Variants in SEMA6A observed in about 807,000 individuals in gnomAD.
SEMA6A encodes the protein semaphorin-6A.
Under a neutral mutation model 96.8 loss-of-function variants are expected in SEMA6A, and 25 were observed. That is an observed-to-expected ratio of 0.26 (90% confidence interval 0.19 to 0.36). The LOEUF (loss-of-function observed/expected upper bound fraction) is 0.36. Ranked by LOEUF, SEMA6A falls within the 10% of genes least tolerant of loss-of-function variation. The pLI, the probability that SEMA6A is intolerant of heterozygous loss-of-function variation, is 1.00. For synonymous variants in SEMA6A, 612 were observed against 518.0 expected (o/e 1.18, Z -2.46); for missense variants, 1,363 against 1,323.1 (o/e 1.03, Z -0.47).
chr5:116,513,139 T>TTTA lies in SEMA6A; in HGVS notation c.-38-8158_-38-8157insTAA, dbSNP rs144134705. 7.9e-5 allele frequency among the ~76,000 whole-genome samples: 12 copies of TTTA among 151,698 alleles called. No individual in the cohort carries two copies. The South Asian group carries it at 1.3e-3, about 16-fold the overall frequency. On this transcript the variant is annotated intron_variant, in intron 1 of 18. Coordinates refer to ENST00000343348, the MANE Select transcript of SEMA6A (RefSeq NM_020796.5). ...ATAAAGGCAGCTATCTTTTTTTTTT[T>TTTA]CCCCCGCGACGGAGTTTCGCTCTTG...
At chr5:116,474,305 C>CACACACACACATCT (rs751871641) in intron 16 of SEMA6A, among the ~76,000 whole-genome samples, 556 of 151,984 alleles carry the variant, frequency 3.7e-3, no homozygotes, top group Non-Finnish European at 6.1e-3. Context: ...CACACACACA[C>CACACACACACATCT]ACACATCTTA....
At chr5:116,471,209 A>G (rs1172891122) in intron 17 of SEMA6A, 1 of 152,194 alleles carries the variant, frequency 6.6e-6, no homozygotes, top group Non-Finnish European at 1.5e-5. Flanking sequence ...AGACCTGAAA[A>G]TGAATGAGCA....
At chr5:116,461,663 C>T (rs983026100) in intron 18 of SEMA6A, among the ~76,000 whole-genome samples, 5 of 152,124 alleles carry the variant, frequency 3.3e-5, no homozygotes, top group African/African-American at 1.2e-4. Flanking sequence ...TTTCACAGTT[C>T]TATGTCCTTG....
rs1195599206 is a variant in SEMA6A at position 116,467,627 on chromosome 5, T to C, written c.1850A>G (p.Asp617Gly). The change falls in exon 18 of 19, where the codon GAC becomes GGC. Residue 617 changes from aspartate to glycine, a missense_variant. By Grantham distance (94) the Asp-to-Gly change is moderately conservative. This residue lies in a region of SEMA6A where 883 missense variants were observed against 763.6 expected (regional missense o/e 1.16). Transcript: ENST00000343348. ...ATGGGAAGACACTGCCCCCAAAGGGTCTGTGCTGTCAGGTGAGTCAAGCAG... is the reference window on the plus strand; with the variant it reads ...ATGGGAAGACACTGCCCCCAAAGGGCCTGTGCTGTCAGGTGAGTCAAGCAG... ...KHLLDSPDSTDPLGAVSSHNH... is the reference protein window; with the variant it reads ...KHLLDSPDSTGPLGAVSSHNH... The C allele has an allele frequency of 1.9e-6, 3 of 1,613,462 alleles. No homozygotes were observed. Among genetic ancestry groups the C allele is most frequent in the South Asian group, 1.1e-5 (1 of 91,028 alleles).
intron 17 of SEMA6A, among the ~76,000 whole-genome samples, chr5:116,469,800 A>G (rs1214821710): frequency 2.6e-5 from 4 of 152,232 alleles, no homozygotes; most frequent in African/African-American, 9.6e-5. Flanking sequence ...CTGTGAATAC[A>G]TGGAAAACTC....
In SEMA6A at chr5:116,446,323, A is replaced by T; in HGVS notation, c.*290T>A. 3.5e-6 allele frequency: 1 copy of T among 287,572 alleles called. No homozygotes were observed. Among genetic ancestry groups the T allele is most frequent in the Non-Finnish European group, 6.5e-6 (1 of 153,672 alleles). The allele number at this position is 287,572 out of a possible 1,614,324, so 17.8% of individuals were successfully genotyped here. ...TGGGGTAGGTATGTGCTTTTGGCTC[A>T]TGTTTGTGATGATAACTGAAGTCTT... On this transcript the variant is annotated 3_prime_UTR_variant, in exon 19 of 19. Coordinates refer to ENST00000343348, the MANE Select transcript of SEMA6A (RefSeq NM_020796.5).
At chr5:116,495,739 G>A (rs1486023350) in intron 5 of SEMA6A, 1 of 465,614 alleles carries the variant, frequency 2.1e-6, no homozygotes, top group Admixed American at 3.9e-5. Flanking sequence ...AAGATTGTGT[G>A]TTTATTTTAT....
intron 18 of SEMA6A, among the ~76,000 whole-genome samples, chr5:116,465,072 A>G (rs1249370042): frequency 6.6e-6 from 1 of 152,216 alleles, no homozygotes; most frequent in Non-Finnish European, 1.5e-5. Flanking sequence ...TCGACCCAGT[A>G]GAAAGAGCAC....
In SEMA6A at chr5:116,484,730, A is replaced by C. The variant is rs12514156; in HGVS notation, c.962+2019T>G. On this transcript the variant is annotated intron_variant, in intron 10 of 18. Coordinates refer to ENST00000343348, the MANE Select transcript of SEMA6A (RefSeq NM_020796.5). ...AGAAGTATGCACAAGGTCCCATAGG[A>C]GGTGACTAGCTGACATTTGAAGTAC... is the stretch of plus-strand genomic sequence containing the variant. Among the ~76,000 whole-genome samples the C allele has an allele frequency of 8.6e-3, 1,315 of 152,332 alleles. 51 individuals are homozygous for C. Among genetic ancestry groups the C allele is most frequent in the East Asian group, 0.05 (258 of 5,178 alleles).
intron 18 of SEMA6A, among the ~76,000 whole-genome samples, chr5:116,449,085 T>G (rs1374711424): frequency 7.9e-6 from 1 of 126,598 alleles, no homozygotes; most frequent in East Asian, 1.9e-4. Flanking sequence ...GCTGAGTGAC[T>G]CTAATCAAAT....
intron 1 of SEMA6A, among the ~76,000 whole-genome samples, chr5:116,549,925 G>C (rs1484505456): frequency 8.5e-5 from 13 of 152,106 alleles, no homozygotes; most frequent in Admixed American, 8.5e-4. Context: ...CATTCAATTA[G>C]CTGTGACCCA....
intron 1 of SEMA6A, among the ~76,000 whole-genome samples, chr5:116,509,082 T>C (rs1758279935): frequency 6.6e-6 from 1 of 152,216 alleles, no homozygotes. Context: ...AAACGGTGCA[T>C]AAATGCTTGG....
intron 1 of SEMA6A, among the ~76,000 whole-genome samples, chr5:116,523,961 G>A (rs1054788829): frequency 2.2e-4 from 33 of 152,166 alleles, no homozygotes; most frequent in Non-Finnish European, 4.4e-5. Flanking sequence ...CAGCTGCATG[G>A]AGTGGCTTTA....
chr5:116,515,177 T>C (rs555953959), intron 1 of SEMA6A, among the ~76,000 whole-genome samples: 1 of 152,202 alleles, frequency 6.6e-6, no homozygotes, highest in Non-Finnish European at 1.5e-5. Context: ...CTTATTGGAT[T>C]TGTAGACACT....
Position 116,470,130 on chromosome 5 carries a change from C to G in SEMA6A, c.1730-2383G>C, listed in dbSNP as rs909888913. ...GACTCTCAAAAATTTTAGAACCACC[C>G]TGTAAAAGCACCATTAAGCAGCAGT... On this transcript the variant is annotated intron_variant, in intron 17 of 18. Coordinates refer to ENST00000343348, the MANE Select transcript of SEMA6A (RefSeq NM_020796.5). Among the ~76,000 whole-genome samples, 14 of 152,028 alleles carry G rather than the reference C, an allele frequency of 9.2e-5. 1 individual carries two copies. Among genetic ancestry groups the G allele is most frequent in the African/African-American group, 2.9e-4 (12 of 41,392 alleles).
chr5:116,471,229 A>G (rs1248397464), intron 17 of SEMA6A: 1 of 152,196 alleles, frequency 6.6e-6, no homozygotes, highest in Non-Finnish European at 1.5e-5. Flanking sequence ...ATCATCCCTT[A>G]AAGTGTTAAC....
intron 13 of SEMA6A, 80 bp from the exon 14 acceptor site, chr5:116,478,234 C>A (rs768858521): frequency 6.0e-6 from 9 of 1,497,706 alleles, no homozygotes; most frequent in South Asian, 2.5e-5. Flanking sequence ...CACTTCCCAG[C>A]CCACAAGGCA....
intron 1 of SEMA6A, among the ~76,000 whole-genome samples, chr5:116,521,316 GTTTAACTCTAC>G (rs1206922538): frequency 6.6e-6 from 1 of 152,222 alleles, no homozygotes; most frequent in East Asian, 1.9e-4. Flanking sequence ...CCAGGAGATG[GTTTAACTCTAC>G]TCTTGTCTCA....
intron 1 of SEMA6A, among the ~76,000 whole-genome samples, chr5:116,539,617 G>GTGTGTA (rs948866107): frequency 7.9e-5 from 12 of 151,180 alleles, no homozygotes; most frequent in African/African-American, 2.9e-4. Flanking sequence ...GTGTGTGTGT[G>GTGTGTA]TACTTTCTTT....
Sources: gnomAD v4.1 joint callset for allele counts (sites outside exome capture counted in the v4.1 genomes callset) on GRCh38, gnomAD v4.1.1 for gene constraint, gnomAD v4.1.1 regional missense constraint, MANE v1.5 for transcripts, NCBI Gene and HGNC (gene_info 2026-07-23, HGNC 2026-07-21) for gene names.